Variants in SIM1 observed in about 807,000 individuals in gnomAD.
SIM1 encodes SIM bHLH transcription factor 1.
A neutral mutation model predicts 78.2 loss-of-function variants in SIM1; 18 were observed. That is an observed-to-expected ratio of 0.23 (90% CI 0.16 to 0.34). The LOEUF (loss-of-function observed/expected upper bound fraction) is 0.34. Among genes scored for constraint, SIM1 ranks in the 10% least tolerant of loss-of-function variants. The pLI, the probability that SIM1 is intolerant of heterozygous loss-of-function variation, is 1.00. For missense variants in SIM1, 939 were observed against 975.1 expected (o/e 0.96, Z 0.49); for synonymous variants, 417 against 385.2 (o/e 1.08, Z -0.97).
chr6:100,392,935 T>C (rs1337254239), intron 11 of SIM1, among the ~76,000 whole-genome samples: 2 of 152,212 alleles, frequency 1.3e-5, no homozygotes, highest in African/African-American at 4.8e-5. Flanking sequence ...GCATTCTACA[T>C]ATTGCTTCAT....
intron 10 of SIM1, among the ~76,000 whole-genome samples, chr6:100,401,391 A>G (rs1770911628): frequency 6.6e-6 from 1 of 152,132 alleles, no homozygotes; most frequent in South Asian, 2.1e-4. Context: ...TACTGGAGAA[A>G]TCTTACATCT....
intron 9 of SIM1, among the ~76,000 whole-genome samples, chr6:100,425,386 T>C (rs1391901989): frequency 6.6e-6 from 1 of 152,224 alleles, no homozygotes; most frequent in African/African-American, 2.4e-5. Flanking sequence ...CAGAATACTT[T>C]TTAAGGTAAA....
chr6:100,393,728 G>T lies in SIM1; in HGVS notation c.1329C>A (p.Ser443Arg). Reference protein sequence around the residue: ...SCAYRQFSDRSSLCYGFALDH... With the variant: ...SCAYRQFSDRRSLCYGFALDH... ...CAAGCGCAAAGCCATAGCAGAGAGA[G>T]CTGCGGTCCGAAAACTGTCTGTAGG... Residue 443 changes from serine (S) to arginine (R), a missense_variant, in exon 11 of 12, where the codon AGC becomes AGA. Around this residue, in one of 5 missense-constraint regions of SIM1, gnomAD observed 556 missense variants for 521.9 expected, o/e 1.07. Coordinates refer to ENST00000369208, the MANE Select transcript of SIM1 (RefSeq NM_005068.3). The T allele has an allele frequency of 6.2e-7, 1 of 1,614,244 alleles. No homozygotes were observed. Among genetic ancestry groups the T allele is most frequent in the East Asian group, 2.2e-5 (1 of 44,880 alleles).
rs1338127971 is a variant in SIM1 at position 100,389,971 on chromosome 6, T to C, written c.*390A>G. Reference sequence around the variant, plus strand: ...ACATTACATAGCCTATATTTCCATATGTAAAATGTATACCGCAGTTTGTAA... The same window carrying C: ...ACATTACATAGCCTATATTTCCATACGTAAAATGTATACCGCAGTTTGTAA... On this transcript the variant is annotated 3_prime_UTR_variant, in exon 12 of 12. Transcript: ENST00000369208. The C allele has an allele frequency of 1.0e-5, 4 of 387,368 alleles. No individual in the cohort carries two copies. Among genetic ancestry groups the C allele is most frequent in the African/African-American group, 2.1e-5 (1 of 48,368 alleles). The allele number at this position is 387,368 out of a possible 1,614,324, so 24.0% of individuals were successfully genotyped here.
At chr6:100,462,573 A>G (rs890812337) in intron 2 of SIM1, 1 of 152,170 alleles carries the variant, frequency 6.6e-6, no homozygotes, top group South Asian at 2.1e-4. Flanking sequence ...CTCAGGATCT[A>G]TTTGCCAACC....
In SIM1 at chr6:100,385,371, C is replaced by A. The variant is rs1770493425; in HGVS notation, c.*4990G>T. 6.6e-6 allele frequency: 1 copy of A among 151,684 alleles called. No homozygotes were observed. Among genetic ancestry groups the A allele is most frequent in the Admixed American group, 6.6e-5 (1 of 15,236 alleles). 9.4% of individuals were successfully genotyped at this position (151,684 alleles called of 1,614,324 possible). ...TTGAAGTGTCTACTCATAATGTTTC[C>A]TTTTTTGAAATATTTCCCTTCGGAA... is the stretch of plus-strand genomic sequence containing the variant. On this transcript the variant is annotated 3_prime_UTR_variant, in exon 12 of 12. Transcript: ENST00000369208.
chr6:100,429,068 A>T (rs562234208), intron 9 of SIM1, among the ~76,000 whole-genome samples: 1 of 152,274 alleles, frequency 6.6e-6, no homozygotes, highest in East Asian at 1.9e-4. Flanking sequence ...AGAAATAAGT[A>T]TCAAGAATCT....
chr6:100,448,974 A>G (rs991085108), intron 6 of SIM1, among the ~76,000 whole-genome samples: 4 of 152,336 alleles, frequency 2.6e-5, no homozygotes, highest in South Asian at 4.1e-4. Flanking sequence ...GTTCAAGGAC[A>G]TTCAACGTGA....
chr6:100,447,380 T>C lies in SIM1; in HGVS notation c.886A>G (p.Arg296Gly). Residue 296 changes from arginine (R) to glycine (G), a missense_variant, in exon 9 of 12, where the codon AGG becomes GGG. Physicochemically the swap from Arg to Gly is moderately radical, Grantham distance 125. Around this residue, in one of 5 missense-constraint regions of SIM1, gnomAD observed 66 missense variants for 108.4 expected, o/e 0.61. Transcript: ENST00000369208. Reference sequence around the variant, plus strand: ...CAGCCGCCGTGTTTCGCCAGGAACCTGTAGTACTTGGTGGTCACCTGTCCC... The same window carrying C: ...CAGCCGCCGTGTTTCGCCAGGAACCCGTAGTACTTGGTGGTCACCTGTCCC... ...VKGQVTTKYY[R>G]FLAKHGGWVW... 1 of 1,614,222 alleles carries C rather than the reference T, an allele frequency of 6.2e-7. No homozygotes were observed.
chr6:100,426,853 C>T (rs768076024), intron 9 of SIM1, among the ~76,000 whole-genome samples: 4 of 152,134 alleles, frequency 2.6e-5, no homozygotes, highest in Non-Finnish European at 4.4e-5. Flanking sequence ...GGCTTTATGT[C>T]ATGTGGCAAT....
chr6:100,458,829 A>C (rs1772759351), intron 2 of SIM1, among the ~76,000 whole-genome samples: 1 of 152,274 alleles, frequency 6.6e-6, no homozygotes, highest in Admixed American at 6.5e-5. Context: ...TTTACTCTGC[A>C]GTGGACACTG....
chr6:100,442,672 T>C (rs1310366928), intron 9 of SIM1, among the ~76,000 whole-genome samples: 1 of 152,176 alleles, frequency 6.6e-6, no homozygotes, highest in African/African-American at 2.4e-5. Flanking sequence ...AATACAAAAG[T>C]GATTTTGCTA....
rs774010400 is a variant in SIM1, at chr6:100,390,972, T to C, written c.1690A>G (p.Ile564Val). 1 of 1,614,170 alleles carries C rather than the reference T, an allele frequency of 6.2e-7. No homozygotes were observed. Among genetic ancestry groups the C allele is most frequent in the Non-Finnish European group, 8.5e-7 (1 of 1,180,030 alleles). ...YQSSPHEPSK[I>V]ETLIRATQQM... Reference sequence around the variant, plus strand: ...TGAGTGGCTCTTATAAGAGTTTCAATTTTGCTGGGTTCATGTGGGCTACTT... The same window carrying C: ...TGAGTGGCTCTTATAAGAGTTTCAACTTTGCTGGGTTCATGTGGGCTACTT... The change falls in exon 12 of 12, where the codon ATT becomes GTT. Residue 564 changes from isoleucine to valine, a missense_variant. By Grantham distance (29) the Ile-to-Val change is conservative. Around this residue, in one of 5 missense-constraint regions of SIM1, gnomAD observed 556 missense variants for 521.9 expected, o/e 1.07. Coordinates refer to ENST00000369208, the MANE Select transcript of SIM1 (RefSeq NM_005068.3).
intron 9 of SIM1, among the ~76,000 whole-genome samples, chr6:100,421,463 C>T (rs117244754): frequency 2.6e-5 from 4 of 152,160 alleles, no homozygotes; most frequent in African/African-American, 9.7e-5. Context: ...CCTTTAGGTA[C>T]ATTTTACCAC....
intron 10 of SIM1, among the ~76,000 whole-genome samples, chr6:100,405,738 CA>C (rs1404274635): frequency 1.3e-5 from 2 of 152,018 alleles, no homozygotes; most frequent in African/African-American, 4.8e-5. Flanking sequence ...CCCCACCCCC[CA>C]AAAAAAGTTA....
chr6:100,441,528 G>T (rs1582310825), intron 9 of SIM1, among the ~76,000 whole-genome samples: 1 of 152,204 alleles, frequency 6.6e-6, no homozygotes, highest in Admixed American at 6.5e-5. Flanking sequence ...TGACATTTCG[G>T]TTAACTCTTT....
intron 8 of SIM1, 38 bp from the exon 9 acceptor site, chr6:100,447,453 C>A (rs763225925): frequency 6.2e-7 from 1 of 1,613,206 alleles, no homozygotes; most frequent in East Asian, 2.2e-5. Context: ...GGTGAACCAG[C>A]CTGCCTGGGA....
Position 100,448,536 on chromosome 6 carries a change from C to T in SIM1, c.686G>A (p.Ser229Asn), listed in dbSNP as rs1562254961. 1.9e-6 allele frequency: 3 copies of T among 1,614,034 alleles called. No individual in the cohort carries two copies. The highest frequency in any genetic ancestry group is 3.3e-5 in the Admixed American group (2 of 60,006). Residue 229 changes from serine to asparagine, a missense_variant, in exon 7 of 12, where the codon AGC becomes AAC. Transcript: ENST00000369208. ...GCTGGCGCGGAACATAAACATATTG[C>T]TGTGTAGCTTGATCTCCGTGACGGC... ...PSAVTEIKLH[S>N]NMFMFRASLD...
intron 9 of SIM1, among the ~76,000 whole-genome samples, chr6:100,434,881 A>C (rs1772004545): frequency 6.6e-6 from 1 of 152,170 alleles, no homozygotes; most frequent in South Asian, 2.1e-4. Context: ...TTGAACAAGA[A>C]ATCCCTGGAG....
Sources: gnomAD v4.1 joint callset for allele counts (sites outside exome capture counted in the v4.1 genomes callset) on GRCh38, gnomAD v4.1.1 for gene constraint, gnomAD v4.1.1 regional missense constraint, MANE v1.5 for transcripts, NCBI Gene and HGNC (gene_info 2026-07-23, HGNC 2026-07-21) for gene names.